Variants in LRGUK observed in about 807,000 individuals in gnomAD.
The protein encoded by LRGUK is leucine rich repeats and guanylate kinase domain containing, also known as leucine-rich repeat and guanylate kinase domain-containing protein.
LRGUK carries 65 observed loss-of-function variants against 76.0 expected under a neutral mutation model. That is an observed-to-expected ratio of 0.85 (90% CI 0.70 to 1.05). The LOEUF is 1.05. Among genes scored for constraint, LRGUK ranks in the 50% least tolerant of loss-of-function variants. LRGUK has a pLI of 0.00. For synonymous variants in LRGUK, 268 were observed against 265.6 expected, an observed-to-expected ratio of 1.01 and a Z score of -0.09; for missense variants, 758 against 732.8, an observed-to-expected ratio of 1.03 and a Z score of -0.40.
chr7:134,246,933 G>C (rs1331081206), intron 16 of LRGUK, among the ~76,000 whole-genome samples: 1 of 152,152 alleles, frequency 6.6e-6, no homozygotes, highest in Non-Finnish European at 1.5e-5. Context: ...GTGTATCAAT[G>C]CATCCTCTGT....
At chr7:134,235,634 T>C (rs1801996441) in intron 16 of LRGUK, among the ~76,000 whole-genome samples, 1 of 152,234 alleles carries the variant, frequency 6.6e-6, no homozygotes, top group Admixed American at 6.5e-5. Context: ...TGTTAGACTA[T>C]AAATCCTCCA....
chr7:134,229,006 T>C (rs1262350121), intron 16 of LRGUK, among the ~76,000 whole-genome samples: 2 of 152,160 alleles, frequency 1.3e-5, no homozygotes, highest in Admixed American at 6.5e-5. Flanking sequence ...TTTGACAAGA[T>C]TATTAGAAAC....
intron 16 of LRGUK, among the ~76,000 whole-genome samples, chr7:134,230,129 C>G (rs1409378014): frequency 6.6e-6 from 1 of 152,000 alleles, no homozygotes; most frequent in Admixed American, 6.6e-5. Context: ...TTTGCCGTAA[C>G]TATAACCAAC....
rs933779660 is a variant in LRGUK, at chr7:134,178,553, A to C, written c.1158A>C (p.Gln386His). ...CTCCCCCTGAAGTGGTTGCAGCTCA[A>C]GACCACCTGACCCATGTTGTCAACA... Residue 386 changes from glutamine to histidine, a missense_variant, in exon 10 of 16, where the codon CAA (glutamine) becomes CAC (histidine). Coordinates refer to ENST00000645682, the Ensembl canonical transcript of LRGUK. 4 of 1,613,346 alleles carry C rather than the reference A, an allele frequency of 2.5e-6. No homozygotes were observed. In the Admixed American group the frequency reaches 6.7e-5, roughly 27 times the overall value.
downstream of LRGUK, among the ~76,000 whole-genome samples, chr7:134,211,303 C>A (rs1215309176): frequency 6.6e-6 from 1 of 152,238 alleles, no homozygotes; most frequent in Admixed American, 6.5e-5. Flanking sequence ...ACGAATCCAA[C>A]CTGAGTTCCA....
chr7:134,127,732 C>T, intron 1 of LRGUK, 68 bp downstream of exon 1: 1 of 1,501,210 alleles, frequency 6.7e-7, no homozygotes, highest in Non-Finnish European at 8.9e-7. Flanking sequence ...AGCGGCAGCT[C>T]CCCGATGCAC....
At chr7:134,170,849 A>T (rs1192660528) in intron 7 of LRGUK, among the ~76,000 whole-genome samples, 1 of 152,166 alleles carries the variant, frequency 6.6e-6, no homozygotes, top group African/African-American at 2.4e-5. Flanking sequence ...TAATTTTCTC[A>T]CTGATACAGA....
chr7:134,228,830 G>T (rs1467174058), intron 16 of LRGUK, among the ~76,000 whole-genome samples: 1 of 151,996 alleles, frequency 6.6e-6, no homozygotes, highest in African/African-American at 2.4e-5. Context: ...TAATCTCTAG[G>T]ATGATACTAA....
intron 1 of LRGUK, among the ~76,000 whole-genome samples, chr7:134,135,694 G>A (rs1797495852): frequency 6.6e-6 from 1 of 152,126 alleles, no homozygotes; most frequent in South Asian, 2.1e-4. Context: ...TTACTTCCCT[G>A]AACCAGGCTG....
intron 8 of LRGUK, among the ~76,000 whole-genome samples, chr7:134,174,911 C>G (rs1455284273): frequency 6.6e-6 from 1 of 152,076 alleles, no homozygotes; most frequent in African/African-American, 2.4e-5. Flanking sequence ...AGTTGCTCTG[C>G]TGGTCATTTG....
intron 6 of LRGUK, among the ~76,000 whole-genome samples, chr7:134,159,179 A>T (rs1798614438): frequency 1.3e-5 from 2 of 151,960 alleles, no homozygotes; most frequent in Admixed American, 1.3e-4. Context: ...TCTACAAAAA[A>T]TAAAAAATTT....
chr7:134,190,798 G>A (rs925827550), intron 11 of LRGUK, among the ~76,000 whole-genome samples: 10 of 99,174 alleles, frequency 1.0e-4, no homozygotes, highest in African/African-American at 1.3e-4. Context: ...ATGCAGTGGC[G>A]AATAAGACAT....
chr7:134,163,456 G>A (rs1354214306), exon 7 of LRGUK: 2 of 1,613,834 alleles, frequency 1.2e-6, no homozygotes, highest in South Asian at 2.2e-5. Flanking sequence ...TGCAGAACCT[G>A]GATCTGTCCC....
chr7:134,209,908 C>A, exon 16 of LRGUK: 1 of 399,224 alleles, frequency 2.5e-6, no homozygotes, highest in African/African-American at 2.1e-5. Flanking sequence ...GGCTCCCTCG[C>A]ATTCCTGCTC....
intron 5 of LRGUK, among the ~76,000 whole-genome samples, chr7:134,156,758 C>T (rs1563150254): frequency 6.6e-6 from 1 of 152,090 alleles, no homozygotes; most frequent in African/African-American, 2.4e-5. Flanking sequence ...AATCTGCCTA[C>T]AGTGTGTAGA....
At chr7:134,183,045 C>T (rs1047962876) in intron 10 of LRGUK, among the ~76,000 whole-genome samples, 2 of 152,210 alleles carry the variant, frequency 1.3e-5, no homozygotes, top group African/African-American at 4.8e-5. Flanking sequence ...CTTGAGCCAT[C>T]GCGCCCGGCT....
chr7:134,210,247 T>A lies in LRGUK; in HGVS notation c.3384T>A (p.Cys1128Ter). 1 of 399,004 alleles carries A rather than the reference T, an allele frequency of 2.5e-6. No homozygotes were observed. The highest frequency in any genetic ancestry group is 4.4e-6 in the Non-Finnish European group (1 of 226,162). 24.7% of individuals were successfully genotyped at this position (399,004 alleles called of 1,614,324 possible). A position where few individuals can be genotyped will look rare whatever the true frequency, so the allele number is the denominator to read the frequency against. Residue 1128 changes from cysteine (C) to a stop codon, truncating the protein, a stop_gained, in exon 16 of 16, where the codon TGT becomes TGA. Transcript: ENST00000645682. LOFTEE classifies it high-confidence loss of function. ...ACCCCAGCCCTCCTCTTGTTTCTTG[T>A]CTAAGCTAGTATTTCAGTGTGTAAC...
the LRGUK span, among the ~76,000 whole-genome samples, chr7:134,273,855 T>C: frequency 1.6e-4 from 25 of 152,308 alleles, no homozygotes; most frequent in Admixed American, 4.6e-4. Context: ...TTTTCTCTTA[T>C]ATTTTTGTGA....
downstream of LRGUK, among the ~76,000 whole-genome samples, chr7:134,214,806 A>T (rs1287176530): frequency 4.0e-5 from 6 of 149,300 alleles, no homozygotes; most frequent in African/African-American, 1.3e-4. Flanking sequence ...ACACACACAC[A>T]CACACACACT....
Sources: allele counts gnomAD v4.1 joint callset (sites outside exome capture counted in the v4.1 genomes callset), GRCh38; gene constraint gnomAD v4.1.1; transcripts MANE v1.5; gene names NCBI Gene and HGNC (gene_info 2026-07-23, HGNC 2026-07-21).